The following RIMS4 variants were observed in gnomAD, a reference collection of about 807,000 sequenced individuals.
RIMS4 encodes regulating synaptic membrane exocytosis protein 4.
A neutral mutation model predicts 29.0 loss-of-function variants in RIMS4; 9 were observed. That is an observed-to-expected ratio of 0.31 (90% confidence interval 0.19 to 0.54). The LOEUF (loss-of-function observed/expected upper bound fraction) is 0.54. RIMS4 is among the 20% of genes least tolerant of loss of function. The pLI is 0.94. For missense variants in RIMS4, 193 were observed against 365.7 expected (o/e 0.53, Z 3.85); for synonymous variants, 130 against 152.9 (o/e 0.85, Z 1.10).
chr20:44,789,324 GTCTC>G (rs894655250), intron 1 of RIMS4, among the ~76,000 whole-genome samples: 2 of 152,136 alleles, frequency 1.3e-5, no homozygotes, highest in South Asian at 2.1e-4. Flanking sequence ...TTGAGACGGA[GTCTC>G]TCTCTGTCAC....
At chr20:44,771,541 C>A in intron 1 of RIMS4, 128 bp from the exon 2 acceptor site, 1 of 949,252 alleles carries the variant, frequency 1.1e-6, no homozygotes, top group Non-Finnish European at 1.6e-6. Flanking sequence ...CCACCCTCAG[C>A]CCATCAACCT....
chr20:44,768,816 G>A (rs1385746838), intron 2 of RIMS4, among the ~76,000 whole-genome samples: 1 of 152,206 alleles, frequency 6.6e-6, no homozygotes, highest in African/African-American at 2.4e-5. Flanking sequence ...AGACACAACT[G>A]TATTTGGGGT....
At chr20:44,782,646 G>A (rs1488248430) in intron 1 of RIMS4, among the ~76,000 whole-genome samples, 2 of 152,168 alleles carry the variant, frequency 1.3e-5, no homozygotes, top group African/African-American at 4.8e-5. Context: ...CAGGGTGAAG[G>A]GGCAGGCCCT....
chr20:44,794,733 T>C (rs144774185), intron 1 of RIMS4, among the ~76,000 whole-genome samples: 54 of 152,294 alleles, frequency 3.5e-4, no homozygotes, highest in Admixed American at 5.9e-4. Flanking sequence ...CACTGCTGAC[T>C]TTTTTTGTCT....
At chr20:44,809,231 GC>G (rs1350557069) in intron 1 of RIMS4, among the ~76,000 whole-genome samples, 1 of 152,066 alleles carries the variant, frequency 6.6e-6, no homozygotes, top group Non-Finnish European at 1.5e-5. Context: ...TCCCAATCTG[GC>G]ATTCTTTGGG....
At chr20:44,782,271 T>C (rs2066187743) in intron 1 of RIMS4, among the ~76,000 whole-genome samples, 1 of 152,218 alleles carries the variant, frequency 6.6e-6, no homozygotes, top group African/African-American at 2.4e-5. Context: ...ATACTTAACA[T>C]ACCTTATTTT....
intron 2 of RIMS4, 94 bp from the exon 3 acceptor site, chr20:44,758,278 T>C (rs1314420598): frequency 1.3e-6 from 1 of 793,420 alleles, no homozygotes; most frequent in Non-Finnish European, 2.0e-6. Context: ...ATGGATATGC[T>C]GAAACTTCCC....
rs966074400 is a variant in RIMS4 at position 44,755,833 on chromosome 20, G to A, written c.*301C>T. The A allele has an allele frequency of 1.2e-5, 4 of 345,746 alleles. No individual in the cohort carries two copies. Among genetic ancestry groups the A allele is most frequent in the Non-Finnish European group, 2.1e-5 (4 of 186,192 alleles). The allele number at this position is 345,746 out of a possible 1,614,324, so 21.4% of individuals were successfully genotyped here. On this transcript the variant is annotated 3_prime_UTR_variant, in exon 6 of 6. Transcript: ENST00000372851. ...GGGGAGAAGTTGGACAGTTTGGGAA[G>A]GGAGAGTGGTCTGCTCTGCCACCTC...
intron 1 of RIMS4, among the ~76,000 whole-genome samples, chr20:44,804,937 T>G (rs1025365952): frequency 2.6e-5 from 4 of 152,094 alleles, no homozygotes; most frequent in African/African-American, 9.7e-5. Flanking sequence ...ATCTGTACAA[T>G]GGGGTAAGGC....
intron 1 of RIMS4, among the ~76,000 whole-genome samples, chr20:44,791,426 G>C (rs747010175): frequency 6.6e-6 from 1 of 152,158 alleles, no homozygotes; most frequent in Non-Finnish European, 1.5e-5. Flanking sequence ...CTGTAAAGTG[G>C]GAATAGCGAC....
At chr20:44,774,812 T>G (rs916960021) in intron 1 of RIMS4, among the ~76,000 whole-genome samples, 3 of 152,124 alleles carry the variant, frequency 2.0e-5, no homozygotes, top group African/African-American at 7.2e-5. Context: ...TCACTCACCA[T>G]GACCTCCTCC....
At chr20:44,787,806 A>G (rs2066215667) in intron 1 of RIMS4, among the ~76,000 whole-genome samples, 1 of 152,248 alleles carries the variant, frequency 6.6e-6, no homozygotes, top group Non-Finnish European at 1.5e-5. Context: ...AAGCATTTAT[A>G]ACAAAAACAA....
chr20:44,760,923 A>AG (rs1337134841), intron 2 of RIMS4, among the ~76,000 whole-genome samples: 3 of 150,902 alleles, frequency 2.0e-5, no homozygotes, highest in Admixed American at 6.6e-5. Flanking sequence ...TAATGTGGGC[A>AG]GGGGGGGATG....
intron 1 of RIMS4, among the ~76,000 whole-genome samples, chr20:44,795,037 C>T (rs1160212894): frequency 6.6e-6 from 1 of 152,236 alleles, no homozygotes; most frequent in Non-Finnish European, 1.5e-5. Context: ...TCCAGTTCTG[C>T]TACCTCCCAA....
chr20:44,757,954 T>C (rs1033076622), intron 3 of RIMS4, 118 bp downstream of exon 3: 1 of 960,052 alleles, frequency 1.0e-6, no homozygotes, highest in African/African-American at 1.6e-5. Flanking sequence ...CCCTGGGCTC[T>C]AGGCGGCATG....
intron 1 of RIMS4, among the ~76,000 whole-genome samples, chr20:44,792,217 A>G (rs896710996): frequency 6.6e-6 from 1 of 152,038 alleles, no homozygotes; most frequent in Non-Finnish European, 1.5e-5. Context: ...GTAAAATATG[A>G]TCCAGGGCAG....
intron 2 of RIMS4, among the ~76,000 whole-genome samples, chr20:44,764,182 CCATCCA>C (rs2066101708): frequency 6.6e-6 from 1 of 151,374 alleles, no homozygotes; most frequent in African/African-American, 2.4e-5. Flanking sequence ...ATCCATCCAT[CCATCCA>C]TTTATCCATC....
intron 1 of RIMS4, among the ~76,000 whole-genome samples, chr20:44,779,519 T>C (rs1350202735): frequency 5.3e-5 from 8 of 152,242 alleles, no homozygotes; most frequent in African/African-American, 1.9e-4. Flanking sequence ...GCATCTGGCT[T>C]CTTTTACCCA....
intron 1 of RIMS4, among the ~76,000 whole-genome samples, chr20:44,788,997 C>T (rs183870654): frequency 2.0e-5 from 3 of 152,032 alleles, no homozygotes; most frequent in African/African-American, 7.2e-5. Context: ...GAATGCCTTA[C>T]GGCTGCACTG....
Sources: gnomAD v4.1 joint callset for allele counts (sites outside exome capture counted in the v4.1 genomes callset) on GRCh38, gnomAD v4.1.1 for gene constraint, MANE v1.5 for transcripts, NCBI Gene and HGNC (gene_info 2026-07-23, HGNC 2026-07-21) for gene names.